Variants in ABTB2 observed in about 807,000 individuals in gnomAD.
The protein encoded by ABTB2 is ankyrin repeat and BTB/POZ domain-containing protein 2.
Under a neutral mutation model 104.1 loss-of-function variants are expected in ABTB2, and 56 were observed. The observed-to-expected ratio is 0.54, with a 90% confidence interval of 0.43 to 0.67. The LOEUF (loss-of-function observed/expected upper bound fraction) is 0.67, where lower values mean the gene tolerates loss of function less well. Ranked by LOEUF, ABTB2 falls within the 30% of genes least tolerant of loss-of-function variation. The pLI is 0.00. For missense variants in ABTB2, 1,279 were observed against 1,407.7 expected, an observed-to-expected ratio of 0.91 and a Z score of 1.46; for synonymous variants, 606 against 608.2, an observed-to-expected ratio of 1.00 and a Z score of 0.05.
intron 2 of ABTB2, among the ~76,000 whole-genome samples, chr11:34,199,304 C>A (rs1853306821): frequency 6.6e-6 from 1 of 152,176 alleles, no homozygotes; most frequent in Admixed American, 6.5e-5. Flanking sequence ...TTTCCACCAC[C>A]ACCCCTGGTT....
rs555316269 is a variant in ABTB2 at position 34,238,420 on chromosome 11, C to T, written c.884-33730G>A. ...GTCTTCCCAAATACTATGTAATCTC[C>T]ATGAGGGCAGGGCTTTTGTCTGTTT... is the stretch of plus-strand genomic sequence containing the variant. On this transcript the variant is annotated intron_variant, in intron 1 of 16. Coordinates refer to ENST00000435224, the MANE Select transcript of ABTB2 (RefSeq NM_145804.3). Among the ~76,000 whole-genome samples, 69 of 152,322 alleles carry T rather than the reference C, an allele frequency of 4.5e-4. 1 individual carries two copies. The highest frequency in any genetic ancestry group is 1.6e-3 in the African/African-American group (66 of 41,570).
chr11:34,317,670 G>A (rs1854953667), intron 1 of ABTB2, among the ~76,000 whole-genome samples: 1 of 151,090 alleles, frequency 6.6e-6, no homozygotes, highest in African/African-American at 2.4e-5. Flanking sequence ...GATGAGGTGG[G>A]AGGATCACTT....
At chr11:34,182,878 A>G (rs1425202985) in intron 3 of ABTB2, among the ~76,000 whole-genome samples, 1 of 152,074 alleles carries the variant, frequency 6.6e-6, no homozygotes, top group Non-Finnish European at 1.5e-5. Flanking sequence ...CGTTTTATAC[A>G]TGGGGAAACT....
Position 34,328,829 on chromosome 11 carries a change from A to G in ABTB2, c.883+27872T>C, listed in dbSNP as rs1855098774. ...CTTAGCCATCCAGAATCCTGAAAACACGTGGCCTCTCATATGGTCACACCT... is the reference window on the plus strand; with the variant it reads ...CTTAGCCATCCAGAATCCTGAAAACGCGTGGCCTCTCATATGGTCACACCT... On this transcript the variant is annotated intron_variant, in intron 1 of 16. Transcript: ENST00000435224. 2.6e-5 allele frequency among the ~76,000 whole-genome samples: 4 copies of G among 152,214 alleles called. No individual in the cohort carries two copies. In the South Asian group the frequency reaches 8.3e-4, roughly 32 times the overall value.
At chr11:34,264,688 G>A (rs1854227290) in intron 1 of ABTB2, among the ~76,000 whole-genome samples, 1 of 152,178 alleles carries the variant, frequency 6.6e-6, no homozygotes, top group African/African-American at 2.4e-5. Context: ...GACCAGTGGT[G>A]GGTGGCATGG....
At chr11:34,165,751 C>G (rs1178324406) in intron 7 of ABTB2, among the ~76,000 whole-genome samples, 1 of 152,236 alleles carries the variant, frequency 6.6e-6, no homozygotes, top group Non-Finnish European at 1.5e-5. Context: ...TCAGAAGGAG[C>G]AGGGTGTCAG....
At position 34,154,674 on chromosome 11, in the gene ABTB2, G is replaced by A; in HGVS notation, c.2766+27C>T. On this transcript the variant is annotated intron_variant, in intron 15 of 16. Coordinates refer to ENST00000435224, the MANE Select transcript of ABTB2 (RefSeq NM_145804.3). This position sits in a 1 kb window ranked among gnomAD's most constrained non-coding sequence, Gnocchi z 4.9. ...CGAGCCGCTGGGCACCCTAGCCCAG[G>A]CCCCCTCCCCCTCTCCCGAGTCTCA... 2 of 1,612,412 alleles carry A rather than the reference G, an allele frequency of 1.2e-6. No homozygotes were observed. Among genetic ancestry groups the A allele is most frequent in the Non-Finnish European group, 1.7e-6 (2 of 1,178,756 alleles).
At chr11:34,350,769 T>C (rs766842318) in intron 1 of ABTB2, among the ~76,000 whole-genome samples, 10 of 152,202 alleles carry the variant, frequency 6.6e-5, no homozygotes, top group South Asian at 2.1e-4. Context: ...GCCATCTGAA[T>C]GGGGCCAAGT....
At chr11:34,312,825 CG>C (rs1854874261) in intron 1 of ABTB2, among the ~76,000 whole-genome samples, 1 of 152,102 alleles carries the variant, frequency 6.6e-6, no homozygotes, top group South Asian at 2.1e-4. Context: ...CTCAGCCTTC[CG>C]AAGTGCTGGG....
chr11:34,306,392 G>A (rs951711022), intron 1 of ABTB2, among the ~76,000 whole-genome samples: 2 of 151,610 alleles, frequency 1.3e-5, no homozygotes, highest in African/African-American at 2.4e-5. Flanking sequence ...GATTACAGGC[G>A]TGCACCACCA....
At chr11:34,337,219 C>T (rs566610830) in intron 1 of ABTB2, among the ~76,000 whole-genome samples, 1 of 152,238 alleles carries the variant, frequency 6.6e-6, no homozygotes, top group Non-Finnish European at 1.5e-5. Context: ...TTGAGGAAGG[C>T]CCCGATTCTG....
rs143636713 is a variant in ABTB2 at position 34,265,178 on chromosome 11, C to T, written c.884-60488G>A. Among the ~76,000 whole-genome samples the T allele has an allele frequency of 3.9e-4, 60 of 152,308 alleles. 1 individual carries two copies. The South Asian group carries it at 6.8e-3, about 17-fold the overall frequency. On this transcript the variant is annotated intron_variant, in intron 1 of 16. Transcript: ENST00000435224. ...ACAAGTTCCAGAGGCAGGTTGAGTCCTTGAAGCCTGAGCATATAAGACAAC... is the reference window on the plus strand; with the variant it reads ...ACAAGTTCCAGAGGCAGGTTGAGTCTTTGAAGCCTGAGCATATAAGACAAC...
intron 1 of ABTB2, among the ~76,000 whole-genome samples, chr11:34,258,061 C>T (rs1172193841): frequency 6.6e-6 from 1 of 152,152 alleles, no homozygotes; most frequent in East Asian, 1.9e-4. Flanking sequence ...GGCAGCAGAG[C>T]CTTCAGGCAG....
At chr11:34,192,871 G>A (rs1853197843) in intron 3 of ABTB2, among the ~76,000 whole-genome samples, 1 of 152,200 alleles carries the variant, frequency 6.6e-6, no homozygotes, top group Non-Finnish European at 1.5e-5. Context: ...ACCTCTGACT[G>A]CATGTCTCCC....
chr11:34,328,037 C>G (rs1440762262), intron 1 of ABTB2, among the ~76,000 whole-genome samples: 1 of 152,184 alleles, frequency 6.6e-6, no homozygotes, highest in Non-Finnish European at 1.5e-5. Context: ...CTCATCAGCC[C>G]TAAGCAACTC....
chr11:34,298,394 T>A (rs1307742439), intron 1 of ABTB2, among the ~76,000 whole-genome samples: 1 of 150,834 alleles, frequency 6.6e-6, no homozygotes, highest in Non-Finnish European at 1.5e-5. Flanking sequence ...GGGGTAGGGG[T>A]GAGGAATGAT....
chr11:34,186,880 G>A (rs972916783), intron 3 of ABTB2, among the ~76,000 whole-genome samples: 3 of 152,232 alleles, frequency 2.0e-5, no homozygotes, highest in Non-Finnish European at 1.5e-5. Context: ...TGCCCACACC[G>A]CTCTGGGAAA....
intron 3 of ABTB2, among the ~76,000 whole-genome samples, chr11:34,177,856 C>T (rs374730325): frequency 1.3e-5 from 2 of 152,108 alleles, no homozygotes; most frequent in South Asian, 2.1e-4. Context: ...CATGAGGCAC[C>T]GTGCCTGGCT....
chr11:34,247,876 C>T (rs746671488), intron 1 of ABTB2, among the ~76,000 whole-genome samples: 22 of 152,122 alleles, frequency 1.4e-4, no homozygotes, highest in East Asian at 7.7e-4. Flanking sequence ...ATGAGGAAAT[C>T]GGTTCAGAGG....
Sources: allele counts gnomAD v4.1 joint callset (sites outside exome capture counted in the v4.1 genomes callset), GRCh38; gene constraint gnomAD v4.1.1; non-coding constraint Gnocchi (gnomAD v3.1); transcripts MANE v1.5; gene names NCBI Gene and HGNC (gene_info 2026-07-23, HGNC 2026-07-21).